Variants in MYO9A observed in about 807,000 individuals in gnomAD.
MYO9A encodes the protein unconventional myosin-IXa.
Under a neutral mutation model 293.3 loss-of-function variants are expected in MYO9A, and 103 were observed. The observed-to-expected ratio is 0.35, with a 90% CI of 0.30 to 0.41. The LOEUF (loss-of-function observed/expected upper bound fraction) is 0.41. Among genes scored for constraint, MYO9A ranks in the 10% least tolerant of loss-of-function variants. MYO9A has a pLI of 1.00. For synonymous variants in MYO9A, 1,001 were observed against 1,035.7 expected (o/e 0.97, Z 0.64); for missense variants, 2,685 against 3,033.0 (o/e 0.89, Z 2.69).
rs769390110 is a variant in MYO9A at position 71,826,839 on chromosome 15, G to A, written c.7388C>T (p.Ala2463Val). ...CATTCCCAGGGCCTCATTACCTGAG[G>A]CAGCTCGGTAGAATGGAGATTTGGA... is the stretch of plus-strand genomic sequence containing the variant. ...IYSKSPFYRA[A>V]SGNEALGMEG... The change falls in exon 42 of 42, where the codon GCC becomes GTC. Residue 2463 changes from alanine to valine, a missense_variant. This residue lies in a region of MYO9A where 350 missense variants were observed against 328.9 expected (regional missense o/e 1.06). Coordinates refer to ENST00000356056, the MANE Select transcript of MYO9A (RefSeq NM_006901.4). The A allele has an allele frequency of 7.4e-6, 12 of 1,614,150 alleles. No individual in the cohort carries two copies. In the South Asian group the frequency reaches 1.3e-4, roughly 18 times the overall value.
At chr15:71,837,846 T>C (rs1364532927) in intron 39 of MYO9A, among the ~76,000 whole-genome samples, 1 of 152,124 alleles carries the variant, frequency 6.6e-6, no homozygotes, top group Non-Finnish European at 1.5e-5. Context: ...GTTTTAAAAA[T>C]GAGTAATACA....
chr15:71,907,796 T>C (rs1348583557), intron 19 of MYO9A, among the ~76,000 whole-genome samples: 6 of 152,108 alleles, frequency 3.9e-5, no homozygotes, highest in African/African-American at 1.2e-4. Flanking sequence ...GGGTTGTTTG[T>C]TTTTTTCTTG....
Position 71,898,377 on chromosome 15 carries a change from C to A in MYO9A, c.4126G>T (p.Ala1376Ser). The A allele has an allele frequency of 1.2e-6, 2 of 1,613,550 alleles. No homozygotes were observed. The highest frequency in any genetic ancestry group is 1.6e-4 in the Middle Eastern group (1 of 6,062). Residue 1376 changes from alanine to serine, a missense_variant, in exon 25 of 42, where the codon GCC becomes TCC. By Grantham distance (99) the Ala-to-Ser change is moderately conservative. Transcript: ENST00000356056. Reference protein sequence around the residue: ...KFDSRDNALSASNETSSAEHL... With the variant: ...KFDSRDNALSSSNETSSAEHL... ...TCTGCACTGCTAGTCTCATTTGAGG[C>A]ACTGAGGGCATTGTCCCGTGAATCA...
intron 24 of MYO9A, 43 bp downstream of exon 24, chr15:71,899,644 T>A (rs2057426247): frequency 2.6e-6 from 4 of 1,516,444 alleles, no homozygotes; most frequent in Non-Finnish European, 3.6e-6. Context: ...ACAAAGTACT[T>A]GGGAAGAAGA....
chr15:71,843,642 C>G (rs897571215), intron 39 of MYO9A, among the ~76,000 whole-genome samples: 17 of 152,118 alleles, frequency 1.1e-4, no homozygotes, highest in Non-Finnish European at 2.9e-5. Context: ...GCAAACACCA[C>G]TACATCTGAC....
chr15:71,945,977 G>A (rs2058908141), intron 15 of MYO9A, among the ~76,000 whole-genome samples: 1 of 152,164 alleles, frequency 6.6e-6, no homozygotes, highest in African/African-American at 2.4e-5. Flanking sequence ...TCCATCTACT[G>A]AGACAATCAT....
At chr15:71,845,213 A>G (rs1001401340) in intron 39 of MYO9A, among the ~76,000 whole-genome samples, 1 of 152,170 alleles carries the variant, frequency 6.6e-6, no homozygotes, top group Admixed American at 6.5e-5. Context: ...GTGTGGTATT[A>G]TAACTAGGTA....
At position 71,851,368 on chromosome 15, in the gene MYO9A, G is replaced by A. The variant is rs370458264; in HGVS notation, c.6476-10C>T. 8 of 1,603,268 alleles carry A rather than the reference G, an allele frequency of 5.0e-6. No homozygotes were observed. In the African/African-American group the frequency reaches 8.0e-5, roughly 16 times the overall value. On this transcript the variant is annotated splice_polypyrimidine_tract_variant and intron_variant, in intron 36 of 41. Coordinates refer to ENST00000356056, the MANE Select transcript of MYO9A (RefSeq NM_006901.4). Reference sequence around the variant, plus strand: ...TTCCTCTCCTGAAGGCCTAAAAACAGTAAGAGCAGAAACTAAGACTAAATA... The same window carrying A: ...TTCCTCTCCTGAAGGCCTAAAAACAATAAGAGCAGAAACTAAGACTAAATA...
intron 13 of MYO9A, among the ~76,000 whole-genome samples, chr15:71,964,982 C>T (rs2147164629): frequency 6.6e-6 from 1 of 151,972 alleles, no homozygotes; most frequent in Non-Finnish European, 1.5e-5. Flanking sequence ...TAGATAACCA[C>T]TTTTCAACTT....
In MYO9A at chr15:71,994,736, TTTTG is replaced by T. The variant is rs140632868; in HGVS notation, c.1471-155_1471-152del. The T allele has an allele frequency of 1.5e-3, 814 of 544,768 alleles. 6 individuals are homozygous for T. The highest frequency in any genetic ancestry group is 0.014 in the African/African-American group (725 of 51,400). 33.7% of individuals were successfully genotyped at this position (544,768 alleles called of 1,614,324 possible). On this transcript the variant is annotated intron_variant, in intron 9 of 41. Transcript: ENST00000356056. The stretch of plus-strand genomic sequence containing the variant: ...AAATAAAAAATCTATAACTAAAGTT[TTTTG>T]TTTGTTTGTTTTTGAGAGTTTGGCT...
intron 1 of MYO9A, among the ~76,000 whole-genome samples, chr15:72,052,132 G>A (rs574489609): frequency 2.0e-5 from 3 of 151,822 alleles, no homozygotes; most frequent in Non-Finnish European, 2.9e-5. Context: ...CCTCTCTGCC[G>A]GGAGTTGAGA....
At position 71,830,120 on chromosome 15, in the gene MYO9A, T is replaced by C. The variant is rs2054659283; in HGVS notation, c.7029A>G (p.Leu2343=). 1 of 1,613,958 alleles carries C rather than the reference T, an allele frequency of 6.2e-7. No individual in the cohort carries two copies. The highest frequency in any genetic ancestry group is 1.1e-5 in the South Asian group (1 of 91,070). Residue 2343 remains leucine (L), a synonymous_variant, in exon 40 of 42, where the codon CTA becomes CTG. Transcript: ENST00000356056. ...TCCTGGATACTCACTTCTCCTTCTG[T>C]AGGTTCTCAATCTGCTCAGTCAGTA... The part of the protein sequence containing the change: ...ERVLTEQIEN[L]QKEKEELTFE...
At chr15:71,892,583 A>G (rs2057209724) in intron 26 of MYO9A, 1 of 158,208 alleles carries the variant, frequency 6.3e-6, no homozygotes, top group South Asian at 1.9e-4. Flanking sequence ...GGCTGCTTTC[A>G]CACTACAGTG....
intron 1 of MYO9A, among the ~76,000 whole-genome samples, chr15:72,087,747 GC>G (rs1338156524): frequency 1.3e-5 from 2 of 152,086 alleles, no homozygotes; most frequent in Non-Finnish European, 2.9e-5. Context: ...CAGCCATCTT[GC>G]CCACCTTCCT....
intron 4 of MYO9A, among the ~76,000 whole-genome samples, chr15:72,026,838 A>G (rs1193696208): frequency 2.0e-5 from 3 of 152,226 alleles, no homozygotes; most frequent in African/African-American, 7.2e-5. Flanking sequence ...CAAATTAGAT[A>G]ACCTAGATGA....
intron 4 of MYO9A, 86 bp from the exon 5 acceptor site, chr15:72,021,103 T>G (rs572136076): frequency 1.3e-6 from 1 of 748,886 alleles, no homozygotes; most frequent in African/African-American, 1.9e-5. Flanking sequence ...AAACAGTAAT[T>G]AGTAAAATGT....
At chr15:71,867,818 ACACACACAC>A (rs1567212815) in intron 32 of MYO9A, among the ~76,000 whole-genome samples, 2,108 of 148,682 alleles carry the variant, frequency 0.014, 33 homozygotes, top group African/African-American at 0.026. Context: ...ACACACACAC[ACACACACAC>A]ACACACACAC....
At chr15:71,986,528 G>A (rs942992807) in intron 11 of MYO9A, among the ~76,000 whole-genome samples, 1 of 152,142 alleles carries the variant, frequency 6.6e-6, no homozygotes, top group Non-Finnish European at 1.5e-5. Context: ...CTAATCTCAC[G>A]AAAAATTCAT....
intron 11 of MYO9A, among the ~76,000 whole-genome samples, chr15:71,983,490 T>C (rs2076331889): frequency 7.0e-6 from 1 of 142,518 alleles, no homozygotes; most frequent in African/African-American, 2.6e-5. Flanking sequence ...TTTTTTTTTT[T>C]TTTTGAGATG....
Sources: gnomAD v4.1 joint callset for allele counts (sites outside exome capture counted in the v4.1 genomes callset) on GRCh38, gnomAD v4.1.1 for gene constraint, gnomAD v4.1.1 regional missense constraint, MANE v1.5 for transcripts, NCBI Gene and HGNC (gene_info 2026-07-23, HGNC 2026-07-21) for gene names.